The following MS4A5 variants were observed in gnomAD, a reference collection of about 807,000 sequenced individuals.
MS4A5 encodes membrane spanning 4-domains A5, also known as membrane-spanning 4-domains subfamily A member 5.
Under a neutral mutation model 18.2 loss-of-function variants are expected in MS4A5, and 15 were observed. The observed-to-expected ratio is 0.83, with a 90% CI of 0.55 to 1.27. MS4A5 has a LOEUF of 1.27. MS4A5 is among the 50% of genes most tolerant of loss of function. The pLI is 0.00. For synonymous variants in MS4A5, 89 were observed against 78.7 expected (o/e 1.13, Z -0.69); for missense variants, 232 against 225.7 (o/e 1.03, Z -0.18).
intron 4 of MS4A5, among the ~76,000 whole-genome samples, chr11:60,436,980 C>A (rs2086083878): frequency 7.5e-6 from 1 of 132,724 alleles, no homozygotes; most frequent in Non-Finnish European, 1.7e-5. Flanking sequence ...TGAGATTCAC[C>A]AAAGTGGAAA....
At chr11:60,442,246 G>A (rs572584155) in intron 4 of MS4A5, among the ~76,000 whole-genome samples, 2 of 152,238 alleles carry the variant, frequency 1.3e-5, no homozygotes, top group South Asian at 4.1e-4. Context: ...GTACATATAT[G>A]CATTGTGGAA....
intron 3 of MS4A5, among the ~76,000 whole-genome samples, 193 bp from the exon 4 acceptor site, chr11:60,433,572 A>G (rs3763846): frequency 0.037 from 5,563 of 152,328 alleles, 307 homozygotes; most frequent in East Asian, 0.28. Context: ...CTAAAAGTTC[A>G]CAAGATCCCC....
intron 2 of MS4A5, 89 bp from the exon 3 acceptor site, chr11:60,432,322 C>A: frequency 1.3e-6 from 1 of 758,302 alleles, no homozygotes; most frequent in African/African-American, 1.8e-5. Flanking sequence ...GAAGGCGGGC[C>A]TGTAAAAGAA....
chr11:60,432,078 T>C (rs1197242543), intron 2 of MS4A5, among the ~76,000 whole-genome samples: 3 of 152,186 alleles, frequency 2.0e-5, no homozygotes, highest in Non-Finnish European at 4.4e-5. Flanking sequence ...TTAATGATTA[T>C]AAACTGACTT....
rs763763673 is a variant in MS4A5, at chr11:60,433,769, T to C, written c.344T>C (p.Ile115Thr). Reference sequence around the variant, plus strand: ...TATGTTCTTATTCTATTTCAGATAATATTGAGCCGAATAATGAATTTTCTT... The same window carrying C: ...TATGTTCTTATTCTATTTCAGATAACATTGAGCCGAATAATGAATTTTCTT... ...VKRKTTETLIILSRIMNFLSA... is the reference protein window; with the variant it reads ...VKRKTTETLITLSRIMNFLSA... Residue 115 changes from isoleucine to threonine, a missense_variant, in exon 4 of 5, where the codon ATA (isoleucine) becomes ACA (threonine). Ile to Thr is a moderately conservative substitution (Grantham distance 89). Transcript: ENST00000300190. The C allele has an allele frequency of 2.5e-6, 4 of 1,613,554 alleles. No homozygotes were observed. The highest frequency in any genetic ancestry group is 2.5e-6 in the Non-Finnish European group (3 of 1,179,572).
At chr11:60,438,732 T>A (rs1399270841) in intron 4 of MS4A5, among the ~76,000 whole-genome samples, 2 of 150,982 alleles carry the variant, frequency 1.3e-5, no homozygotes, top group Admixed American at 6.6e-5. Flanking sequence ...AGGAAGAAGT[T>A]GAATCTCTGA....
At chr11:60,441,551 T>C (rs2086112758) in intron 4 of MS4A5, among the ~76,000 whole-genome samples, 1 of 151,308 alleles carries the variant, frequency 6.6e-6, no homozygotes, top group Admixed American at 6.6e-5. Context: ...TCCTTACTAT[T>C]TGTCAGCATA....
chr11:60,431,607 G>C (rs1286206311), intron 2 of MS4A5, among the ~76,000 whole-genome samples: 2 of 152,140 alleles, frequency 1.3e-5, no homozygotes, highest in Admixed American at 6.5e-5. Flanking sequence ...CATAGGAAAG[G>C]CATCAACAAA....
At chr11:60,431,643 T>C (rs79928994) in intron 2 of MS4A5, among the ~76,000 whole-genome samples, 2,190 of 152,196 alleles carry the variant, frequency 0.014, 53 homozygotes, top group African/African-American at 0.05. Context: ...CCCAGAGACA[T>C]TTCCAGCTTG....
chr11:60,434,049 C>T, intron 4 of MS4A5, 132 bp downstream of exon 4: 1 of 821,148 alleles, frequency 1.2e-6, no homozygotes, highest in Non-Finnish European at 1.9e-6. Context: ...TTTATGAAAT[C>T]CATAATATTT....
At chr11:60,437,076 G>A (rs1355065458) in intron 4 of MS4A5, among the ~76,000 whole-genome samples, 2 of 137,266 alleles carry the variant, frequency 1.5e-5, no homozygotes, top group Non-Finnish European at 3.2e-5. Flanking sequence ...TGGATCTCTC[G>A]GCAGAAACCC....
chr11:60,445,583 A>G (rs745699348), intron 4 of MS4A5, among the ~76,000 whole-genome samples: 4 of 152,168 alleles, frequency 2.6e-5, no homozygotes, highest in Non-Finnish European at 5.9e-5. Context: ...TTATATATAA[A>G]CTTTGATATA....
At chr11:60,445,265 C>CA (rs2086132904) in intron 4 of MS4A5, among the ~76,000 whole-genome samples, 1 of 145,546 alleles carries the variant, frequency 6.9e-6, no homozygotes, top group Admixed American at 6.9e-5. Flanking sequence ...GACATTTCTT[C>CA]TTTTTTTTTT....
At chr11:60,443,519 A>G (rs2086124657) in intron 4 of MS4A5, among the ~76,000 whole-genome samples, 1 of 152,072 alleles carries the variant, frequency 6.6e-6, no homozygotes, top group Non-Finnish European at 1.5e-5. Flanking sequence ...GAAGGAAAAT[A>G]GACTAAAAAG....
At chr11:60,429,978 G>C (rs1348167902) in intron 1 of MS4A5, 151 bp downstream of exon 1, 10 of 766,216 alleles carry the variant, frequency 1.3e-5, no homozygotes, top group Non-Finnish European at 1.8e-5. Context: ...TTTGAGAGAG[G>C]ATGTTTGAGA....
rs375296408 is a variant in MS4A5, at chr11:60,433,801, C to T, written c.376C>T (p.Leu126=). The change falls in exon 4 of 5, where the codon CTG becomes TTG. Residue 126 remains leucine (L), a synonymous_variant. Coordinates refer to ENST00000300190, the MANE Select transcript of MS4A5 (RefSeq NM_023945.3). ...CCGAATAATGAATTTTCTTAGTGCC[C>T]TGGGAGCAATAGCTGGAATCATTCT... is the stretch of plus-strand genomic sequence containing the variant. ...LSRIMNFLSA[L]GAIAGIILLT... The T allele has an allele frequency of 1.1e-5, 18 of 1,613,778 alleles. No individual in the cohort carries two copies. Among genetic ancestry groups the T allele is most frequent in the Non-Finnish European group, 1.5e-5 (18 of 1,179,840 alleles).
At chr11:60,441,334 C>T (rs1268335245) in intron 4 of MS4A5, among the ~76,000 whole-genome samples, 3 of 79,492 alleles carry the variant, frequency 3.8e-5, no homozygotes, top group Admixed American at 1.8e-4. Flanking sequence ...TGCTAGATGA[C>T]GAGTTAGTGG....
At chr11:60,434,310 G>A (rs1341670259) in intron 4 of MS4A5, among the ~76,000 whole-genome samples, 1 of 152,148 alleles carries the variant, frequency 6.6e-6, no homozygotes, top group Non-Finnish European at 1.5e-5. Context: ...AGCATGATAA[G>A]ATTGAAAAGG....
At chr11:60,431,904 G>A (rs2086050350) in intron 2 of MS4A5, among the ~76,000 whole-genome samples, 1 of 152,202 alleles carries the variant, frequency 6.6e-6, no homozygotes, top group South Asian at 2.1e-4. Context: ...TGGAAGTGCT[G>A]TAATCAGATT....
Sources: allele counts gnomAD v4.1 joint callset (sites outside exome capture counted in the v4.1 genomes callset), GRCh38; gene constraint gnomAD v4.1.1; transcripts MANE v1.5; gene names NCBI Gene and HGNC (gene_info 2026-07-23, HGNC 2026-07-21).